The following CD99L2 variants were observed in gnomAD, a reference collection of about 807,000 sequenced individuals.
CD99L2 encodes the protein CD99 antigen-like protein 2.
A neutral mutation model predicts 27.3 loss-of-function variants in CD99L2; 24 were observed. That is an observed-to-expected ratio of 0.88 (90% CI 0.64 to 1.24). The LOEUF is 1.24. CD99L2 is among the 50% of genes most tolerant of loss of function. CD99L2 has a pLI of 0.00. For synonymous variants in CD99L2, 97 were observed against 87.9 expected, an observed-to-expected ratio of 1.10 and a Z score of -0.58; for missense variants, 255 against 221.6, an observed-to-expected ratio of 1.15 and a Z score of -0.96.
At chrX:150,859,054 T>C (rs1429201555) in intron 1 of CD99L2, among the ~76,000 whole-genome samples, 1 of 111,734 alleles carries the variant, frequency 8.9e-6, no homozygotes, top group Non-Finnish European at 1.9e-5. Context: ...TACAAAAGAT[T>C]ATCAGAGACT....
At chrX:150,873,409 G>A (rs1183359153) in intron 1 of CD99L2, among the ~76,000 whole-genome samples, 1 of 111,885 alleles carries the variant, frequency 8.9e-6, no homozygotes, top group Non-Finnish European at 1.9e-5. Context: ...AGGGTTGTGA[G>A]GTGGGACAAA....
chrX:150,787,518 G>T (rs1261427086), intron 7 of CD99L2, among the ~76,000 whole-genome samples: 2 of 110,754 alleles, frequency 1.8e-5, no homozygotes, highest in African/African-American at 6.6e-5. Flanking sequence ...ATGATAGACT[G>T]GATTAAGAAA....
intron 1 of CD99L2, among the ~76,000 whole-genome samples, chrX:150,860,837 G>A (rs2046963568): frequency 9.0e-6 from 1 of 111,471 alleles, no homozygotes; most frequent in African/African-American, 3.3e-5. Flanking sequence ...GACATTCCAT[G>A]CTCATGGACT....
chrX:150,807,013 T>C (rs782015487), intron 4 of CD99L2, among the ~76,000 whole-genome samples: 54 of 111,775 alleles, frequency 4.8e-4, no homozygotes, highest in Non-Finnish European at 9.6e-4. Flanking sequence ...CTGATAACCT[T>C]CCAGATAGCA....
rs146883093 is a variant in CD99L2, at chrX:150,814,261, G to C, written c.277+601C>G. On this transcript the variant is annotated intron_variant, in intron 4 of 10. Transcript: ENST00000370377. ...ACTCCACACTACGCTTAACCTGTAAGAAACAACCGCTTTTGTTGGGGCCAA... is the reference window on the plus strand; with the variant it reads ...ACTCCACACTACGCTTAACCTGTAACAAACAACCGCTTTTGTTGGGGCCAA... Among the ~76,000 whole-genome samples the C allele has an allele frequency of 9.3e-3, 1,048 of 112,574 alleles. 8 individuals are homozygous for C. The highest frequency in any genetic ancestry group is 0.021 in the African/African-American group (654 of 31,048).
chrX:150,807,131 T>G (rs1557420266), intron 4 of CD99L2, among the ~76,000 whole-genome samples: 1 of 111,016 alleles, frequency 9.0e-6, no homozygotes, highest in African/African-American at 3.3e-5. Context: ...AAGTTACAAC[T>G]TTTCTGTTAT....
intron 2 of CD99L2, chrX:150,818,799 C>T (rs1663794573): frequency 5.8e-6 from 2 of 343,860 alleles, no homozygotes; most frequent in Non-Finnish European, 1.2e-5. Context: ...TAAGGTGAGT[C>T]CTTGGGCCAG....
At chrX:150,879,908 G>C (rs2047299120) in intron 1 of CD99L2, among the ~76,000 whole-genome samples, 1 of 81,569 alleles carries the variant, frequency 1.2e-5, no homozygotes, top group Admixed American at 1.7e-4. Flanking sequence ...CTGGGTGACA[G>C]AGCAACACCC....
chrX:150,772,246 G>GA (rs1557419115), intron 9 of CD99L2, among the ~76,000 whole-genome samples: 2 of 112,900 alleles, frequency 1.8e-5, no homozygotes, highest in Non-Finnish European at 3.8e-5. Flanking sequence ...ACGGTCCAGA[G>GA]ACTCCTGATC....
intron 2 of CD99L2, among the ~76,000 whole-genome samples, chrX:150,824,604 G>A (rs942702623): frequency 2.1e-5 from 2 of 96,493 alleles, no homozygotes; most frequent in Non-Finnish European, 4.1e-5. Context: ...GAAGAAGGAG[G>A]AGAAGAAGAA....
chrX:150,844,152 G>A (rs1419905450), intron 1 of CD99L2, among the ~76,000 whole-genome samples: 3 of 112,112 alleles, frequency 2.7e-5, no homozygotes, highest in Non-Finnish European at 5.6e-5. Context: ...CTTGAAATGA[G>A]CCATTTAATA....
chrX:150,888,666 T>C (rs2047452563), intron 1 of CD99L2, among the ~76,000 whole-genome samples: 1 of 112,585 alleles, frequency 8.9e-6, no homozygotes, highest in Non-Finnish European at 1.9e-5. Context: ...TTCTACCTTG[T>C]CTACTGGAAT....
intron 2 of CD99L2, among the ~76,000 whole-genome samples, chrX:150,824,558 AAAGAAGG>A (rs1292616532): frequency 2.4e-5 from 2 of 84,308 alleles, no homozygotes; most frequent in African/African-American, 8.6e-5. Flanking sequence ...GAAGAAGAAG[AAAGAAGG>A]AGGAGGAGGA....
At chrX:150,791,398 A>G (rs2045685592) in intron 7 of CD99L2, among the ~76,000 whole-genome samples, 1 of 111,653 alleles carries the variant, frequency 9.0e-6, no homozygotes, top group South Asian at 3.8e-4. Context: ...AAATAAATCC[A>G]AGAGGCAGCA....
intron 1 of CD99L2, among the ~76,000 whole-genome samples, chrX:150,833,854 C>T (rs899830392): frequency 9.0e-6 from 1 of 111,652 alleles, no homozygotes; most frequent in African/African-American, 3.3e-5. Context: ...AAAAGTTGCA[C>T]AACGTTAGTC....
At chrX:150,789,876 T>G (rs1371050516) in intron 7 of CD99L2, among the ~76,000 whole-genome samples, 1 of 111,889 alleles carries the variant, frequency 8.9e-6, no homozygotes, top group Non-Finnish European at 1.9e-5. Context: ...CAGAGTGAGA[T>G]CCTATCTCAA....
chrX:150,794,454 CAG>C (rs1291751603), intron 6 of CD99L2, among the ~76,000 whole-genome samples: 1 of 112,062 alleles, frequency 8.9e-6, no homozygotes, highest in Non-Finnish European at 1.9e-5. Flanking sequence ...TGCCTTAACT[CAG>C]AGTTTCTGAT....
At chrX:150,872,505 G>A (rs1269216851) in intron 1 of CD99L2, among the ~76,000 whole-genome samples, 1 of 100,686 alleles carries the variant, frequency 9.9e-6, no homozygotes, top group African/African-American at 3.7e-5. Flanking sequence ...CTTAATATCA[G>A]AAAGTTTTCC....
intron 1 of CD99L2, among the ~76,000 whole-genome samples, chrX:150,843,520 G>A (rs1040696955): frequency 5.1e-4 from 56 of 109,735 alleles, no homozygotes; most frequent in African/African-American, 1.8e-3. Flanking sequence ...GCATGGTGGC[G>A]GGCGCCTGTA....
Sources: gnomAD v4.1 joint callset for allele counts (sites outside exome capture counted in the v4.1 genomes callset) on GRCh38, gnomAD v4.1.1 for gene constraint, MANE v1.5 for transcripts, NCBI Gene and HGNC (gene_info 2026-07-23, HGNC 2026-07-21) for gene names.